FBXW7: variants seen among roughly 807,000 people sequenced by gnomAD.
FBXW7 encodes the protein F-box/WD repeat-containing protein 7.
In FBXW7, 11 loss-of-function variants were observed where a neutral mutation model predicts 86.3. The observed-to-expected ratio is 0.13, with a 90% CI of 0.08 to 0.21. The LOEUF (loss-of-function observed/expected upper bound fraction) is 0.21, where lower values mean the gene tolerates loss of function less well. FBXW7 is among the 10% of genes least tolerant of loss of function. FBXW7 has a pLI of 1.00. For missense variants in FBXW7, 488 were observed against 847.4 expected (o/e 0.58, Z 5.27); for synonymous variants, 313 against 297.9 (o/e 1.05, Z -0.52).
At chr4:152,474,155 A>G (rs944819616) in intron 2 of FBXW7, among the ~76,000 whole-genome samples, 3 of 152,244 alleles carry the variant, frequency 2.0e-5, no homozygotes, top group Admixed American at 6.5e-5. Flanking sequence ...ACCAAACTTT[A>G]TAACTTCTAG....
At chr4:152,394,543 A>G (rs1736257654) in intron 4 of FBXW7, among the ~76,000 whole-genome samples, 3 of 152,126 alleles carry the variant, frequency 2.0e-5, no homozygotes, top group Admixed American at 2.0e-4. Context: ...GCCATTAATA[A>G]TGTAGGCAAA....
rs759071625 is a variant in FBXW7 at position 152,411,496 on chromosome 4, T to G, written c.308A>C (p.Glu103Ala). Residue 103 changes from glutamate to alanine, a missense_variant, in exon 4 of 14, where the codon GAA becomes GCA. Glu to Ala is a moderately radical substitution (Grantham distance 107). Coordinates refer to ENST00000281708, the MANE Select transcript of FBXW7 (RefSeq NM_001349798.2). Reference protein sequence around the residue: ...GNQEEQEEDEEHAGEQDEEDE... With the variant: ...GNQEEQEEDEAHAGEQDEEDE... ...CTCCTCATCTTGTTCACCAGCATGT[T>G]CTTCATCTTCCTCTTGTTCTTCTTG... 2.5e-6 allele frequency: 4 copies of G among 1,613,814 alleles called. No individual in the cohort carries two copies. The highest frequency in any genetic ancestry group is 3.4e-6 in the Non-Finnish European group (4 of 1,179,858).
At chr4:152,347,184 CA>C in intron 5 of FBXW7, 113 bp from the exon 6 acceptor site, 4 of 892,096 alleles carry the variant, frequency 4.5e-6, no homozygotes, top group Non-Finnish European at 6.6e-6. Flanking sequence ...GATGATCTGG[CA>C]TATTTCAAAC....
intron 2 of FBXW7, among the ~76,000 whole-genome samples, chr4:152,531,701 C>A (rs1306364998): frequency 6.6e-6 from 1 of 152,036 alleles, no homozygotes; most frequent in Non-Finnish European, 1.5e-5. Flanking sequence ...CTATTTTTGG[C>A]CTCACTTCGT....
At position 152,485,888 on chromosome 4, in the gene FBXW7, T is replaced by C. The variant is rs1041618305; in HGVS notation, c.-120+49053A>G. Among the ~76,000 whole-genome samples, 3 of 152,180 alleles carry C rather than the reference T, an allele frequency of 2.0e-5. No homozygotes were observed. The South Asian group carries it at 6.2e-4, about 31-fold the overall frequency. ...TGAGTCACCAAAGGATACACAGTCA[T>C]GCGTCACATAACCACAGGGATATCT... is the stretch of plus-strand genomic sequence containing the variant. On this transcript the variant is annotated intron_variant, in intron 2 of 13. Transcript: ENST00000281708.
intron 2 of FBXW7, among the ~76,000 whole-genome samples, chr4:152,423,649 A>G (rs1227973137): frequency 6.6e-6 from 1 of 152,214 alleles, no homozygotes; most frequent in Non-Finnish European, 1.5e-5. Context: ...CAGCAATGAG[A>G]ATGAGAATGA....
chr4:152,379,680 G>A (rs555734205), intron 4 of FBXW7, among the ~76,000 whole-genome samples: 6 of 152,020 alleles, frequency 3.9e-5, no homozygotes, highest in Non-Finnish European at 8.8e-5. Flanking sequence ...ACCATGCCTG[G>A]CCTAAAAACA....
chr4:152,377,152 T>C (rs1430418954), intron 4 of FBXW7, among the ~76,000 whole-genome samples: 1 of 152,018 alleles, frequency 6.6e-6, no homozygotes, highest in Non-Finnish European at 1.5e-5. Flanking sequence ...TTACAAAGCA[T>C]AGTAAAAGAA....
At position 152,399,845 on chromosome 4, in the gene FBXW7, C is replaced by T. The variant is rs186760828; in HGVS notation, c.501+11458G>A. On this transcript the variant is annotated intron_variant, in intron 4 of 13. Coordinates refer to ENST00000281708, the MANE Select transcript of FBXW7 (RefSeq NM_001349798.2). ...TGGAGATATATTCCATGTTCTTGCA[C>T]AGGAAGACTCAATACTGTCAAGATG... 2.1e-3 allele frequency among the ~76,000 whole-genome samples: 317 copies of T among 152,264 alleles called. 4 individuals are homozygous for T. The highest frequency in any genetic ancestry group is 7.1e-3 in the African/African-American group (295 of 41,542).
At chr4:152,409,894 G>GA (rs1164182080) in intron 4 of FBXW7, among the ~76,000 whole-genome samples, 1 of 151,898 alleles carries the variant, frequency 6.6e-6, no homozygotes, top group Non-Finnish European at 1.5e-5. Flanking sequence ...AGAATCACTA[G>GA]AAAAAAACTA....
chr4:152,399,664 TG>T (rs1417544241), intron 4 of FBXW7, among the ~76,000 whole-genome samples: 1 of 151,906 alleles, frequency 6.6e-6, no homozygotes, highest in Non-Finnish European at 1.5e-5. Flanking sequence ...ACACCAGCAA[TG>T]AAAAAGTGAA....
chr4:152,485,284 T>G (rs946425467), intron 2 of FBXW7, among the ~76,000 whole-genome samples: 1 of 152,092 alleles, frequency 6.6e-6, no homozygotes, highest in African/African-American at 2.4e-5. Flanking sequence ...AGTTTCAAAT[T>G]GCCTATGTGA....
Position 152,326,000 on chromosome 4 carries a change from T to G in FBXW7, c.1644+6A>C, listed in dbSNP as rs370070523. ...GAGCATTTAAGGGAGAGATAAGAGA[T>G]CTTACCTGTAATGAATAGACTCTAT... is the stretch of plus-strand genomic sequence containing the variant. On this transcript the variant is annotated splice_donor_region_variant and intron_variant, in intron 12 of 13. Coordinates refer to ENST00000281708, the MANE Select transcript of FBXW7 (RefSeq NM_001349798.2). The G allele has an allele frequency of 9.4e-5, 152 of 1,609,414 alleles. No homozygotes were observed. In the East Asian group the frequency reaches 2.3e-3, roughly 25 times the overall value.
At chr4:152,447,526 G>A (rs1413966762) in intron 2 of FBXW7, among the ~76,000 whole-genome samples, 1 of 152,010 alleles carries the variant, frequency 6.6e-6, no homozygotes, top group African/African-American at 2.4e-5. Context: ...TTCTATATTT[G>A]AACCAATTAT....
intron 6 of FBXW7, among the ~76,000 whole-genome samples, chr4:152,340,644 T>C (rs1222109556): frequency 6.6e-6 from 1 of 151,802 alleles, no homozygotes; most frequent in African/African-American, 2.4e-5. Context: ...ATGAGACTGT[T>C]TCCACTGACT....
chr4:152,353,012 C>A, intron 4 of FBXW7: 1 of 1,221,246 alleles, frequency 8.2e-7, no homozygotes, highest in Non-Finnish European at 1.0e-6. Flanking sequence ...CGCCCCCACA[C>A]GACAGCCCCC....
intron 4 of FBXW7, among the ~76,000 whole-genome samples, chr4:152,356,772 G>C (rs759600809): frequency 3.9e-5 from 6 of 152,150 alleles, no homozygotes; most frequent in Non-Finnish European, 8.8e-5. Context: ...TTCTATTACA[G>C]ATATCAACTG....
intron 2 of FBXW7, among the ~76,000 whole-genome samples, chr4:152,476,013 G>C (rs1208985222): frequency 6.6e-6 from 1 of 152,044 alleles, no homozygotes; most frequent in East Asian, 1.9e-4. Context: ...AAATGCAAAG[G>C]TACTATAATA....
At chr4:152,471,124 C>A (rs1743915374) in intron 2 of FBXW7, among the ~76,000 whole-genome samples, 1 of 151,654 alleles carries the variant, frequency 6.6e-6, no homozygotes, top group East Asian at 1.9e-4. Flanking sequence ...TTTTCTATGA[C>A]TACTACTGTT....
Sources: allele counts gnomAD v4.1 joint callset (sites outside exome capture counted in the v4.1 genomes callset), GRCh38; gene constraint gnomAD v4.1.1; transcripts MANE v1.5; gene names NCBI Gene and HGNC (gene_info 2026-07-23, HGNC 2026-07-21).